Variants in MAST2 observed in about 807,000 individuals in gnomAD.
The protein encoded by MAST2 is microtubule-associated serine/threonine-protein kinase 2.
MAST2 carries 70 observed loss-of-function variants against 147.4 expected under a neutral mutation model. That is an observed-to-expected ratio of 0.47 (90% confidence interval 0.39 to 0.58). MAST2 has a LOEUF of 0.58. Ranked by LOEUF, MAST2 falls within the 20% of genes least tolerant of loss-of-function variation. MAST2 has a pLI of 0.00. For synonymous variants in MAST2, 869 were observed against 896.8 expected (o/e 0.97, Z 0.55); for missense variants, 2,080 against 2,302.3 (o/e 0.90, Z 1.98).
intron 5 of MAST2, among the ~76,000 whole-genome samples, chr1:45,985,553 G>A (rs1644580422): frequency 6.6e-6 from 1 of 152,176 alleles, no homozygotes; most frequent in Admixed American, 6.5e-5. Context: ...GGATTTTGTA[G>A]AATTTTATCT....
intron 3 of MAST2, among the ~76,000 whole-genome samples, chr1:45,866,746 A>G (rs1053170564): frequency 8.6e-6 from 1 of 116,508 alleles, no homozygotes; most frequent in African/African-American, 3.1e-5. Context: ...TATTTTGTCT[A>G]CTTTTTTTTT....
At chr1:45,977,811 A>AAAG (rs1304607488) in intron 5 of MAST2, among the ~76,000 whole-genome samples, 1 of 151,672 alleles carries the variant, frequency 6.6e-6, no homozygotes, top group African/African-American at 2.4e-5. Context: ...AAAAAAAAAA[A>AAAG]AAAAAGTTCT....
chr1:45,896,548 T>C (rs1435873591), intron 4 of MAST2, among the ~76,000 whole-genome samples: 1 of 152,106 alleles, frequency 6.6e-6, no homozygotes, highest in African/African-American at 2.4e-5. Flanking sequence ...CAATATTTCT[T>C]GCCCCAGGTG....
chr1:46,021,640 G>A lies in MAST2; in HGVS notation c.1291-310G>A, dbSNP rs772489513. Among the ~76,000 whole-genome samples, 42 of 152,352 alleles carry A rather than the reference G, an allele frequency of 2.8e-4. 1 individual carries two copies. In the Middle Eastern group the frequency reaches 0.034, roughly 123 times the overall value. ...TGGGCATCTGAATACACCAGACAGT[G>A]CCACCTGGCTGATGGAAAGCATGGG... is the stretch of plus-strand genomic sequence containing the variant. On this transcript the variant is annotated intron_variant, in intron 11 of 28. Transcript: ENST00000361297.
At chr1:45,902,574 T>C (rs1312712912) in intron 4 of MAST2, among the ~76,000 whole-genome samples, 2 of 152,094 alleles carry the variant, frequency 1.3e-5, no homozygotes, top group African/African-American at 2.4e-5. Flanking sequence ...TCTTTGTACA[T>C]CTGGTAGAAC....
chr1:45,840,815 A>G (rs1002735381), intron 3 of MAST2, among the ~76,000 whole-genome samples: 3 of 152,240 alleles, frequency 2.0e-5, no homozygotes, highest in African/African-American at 7.2e-5. Context: ...ATGTTCAAAT[A>G]AGGCAAACAC....
intron 4 of MAST2, among the ~76,000 whole-genome samples, chr1:45,921,064 C>T (rs554882108): frequency 2.6e-5 from 4 of 152,294 alleles, no homozygotes; most frequent in South Asian, 4.1e-4. Context: ...GGCGCAATCT[C>T]GGCTCACTGC....
rs748472699 is a variant in MAST2 at position 46,027,720 on chromosome 1, C to T, written c.1920-11C>T. The T allele has an allele frequency of 1.5e-5, 24 of 1,599,384 alleles. No individual in the cohort carries two copies. Among genetic ancestry groups the T allele is most frequent in the Middle Eastern group, 1.7e-4 (1 of 6,002 alleles). On this transcript the variant is annotated splice_polypyrimidine_tract_variant and intron_variant, in intron 16 of 28. Coordinates refer to ENST00000361297, the MANE Select transcript of MAST2 (RefSeq NM_015112.3). Reference sequence around the variant, plus strand: ...GAATAACTTCTTAATTTTATTTCTTCGTTCTTCCAGCCTCCTAATTACATC... The same window carrying T: ...GAATAACTTCTTAATTTTATTTCTTTGTTCTTCCAGCCTCCTAATTACATC...
chr1:46,014,135 T>C (rs890506177), intron 10 of MAST2, among the ~76,000 whole-genome samples: 8 of 151,968 alleles, frequency 5.3e-5, no homozygotes, highest in East Asian at 1.9e-4. Flanking sequence ...TTCGTTTTCA[T>C]TGATTTTTAA....
At chr1:45,939,085 A>G (rs1164145784) in intron 4 of MAST2, among the ~76,000 whole-genome samples, 3 of 150,926 alleles carry the variant, frequency 2.0e-5, no homozygotes, top group Non-Finnish European at 4.4e-5. Context: ...TGCTTTTGGT[A>G]TCTAAGAACT....
At chr1:46,030,085 A>C in intron 20 of MAST2, 44 bp from the exon 21 acceptor site, 1 of 1,608,334 alleles carries the variant, frequency 6.2e-7, no homozygotes, top group Non-Finnish European at 8.5e-7. Context: ...CAAGGAGGCC[A>C]CCAGCAGGGC....
chr1:45,975,945 C>T (rs1351295624), intron 5 of MAST2, among the ~76,000 whole-genome samples: 1 of 150,618 alleles, frequency 6.6e-6, no homozygotes, highest in Non-Finnish European at 1.5e-5. Flanking sequence ...CAAGATTTGC[C>T]AAAGGTGGTT....
At chr1:45,878,270 C>T (rs1420701065) in intron 3 of MAST2, among the ~76,000 whole-genome samples, 1 of 149,052 alleles carries the variant, frequency 6.7e-6, no homozygotes, top group South Asian at 2.1e-4. Flanking sequence ...CTTAGAAAAT[C>T]AATCACTGTA....
chr1:45,922,656 C>T (rs1653704971), intron 4 of MAST2, among the ~76,000 whole-genome samples: 1 of 152,274 alleles, frequency 6.6e-6, no homozygotes, highest in African/African-American at 2.4e-5. Context: ...CTGCGAGGGG[C>T]AGGGGCCTTC....
intron 10 of MAST2, among the ~76,000 whole-genome samples, chr1:46,011,862 C>A (rs759633840): frequency 5.9e-5 from 9 of 152,160 alleles, no homozygotes; most frequent in Non-Finnish European, 1.2e-4. Flanking sequence ...GAAAGGGTGA[C>A]TAAAGATGAT....
At chr1:45,893,323 C>T (rs962972867) in intron 4 of MAST2, among the ~76,000 whole-genome samples, 3 of 152,132 alleles carry the variant, frequency 2.0e-5, no homozygotes, top group African/African-American at 7.2e-5. Flanking sequence ...GTTTCAGCTT[C>T]TCAGGTAGCT....
intron 26 of MAST2, among the ~76,000 whole-genome samples, chr1:46,033,132 A>C (rs559805936): frequency 6.6e-6 from 1 of 152,070 alleles, no homozygotes; most frequent in Non-Finnish European, 1.5e-5. Context: ...AAATTAGCCA[A>C]GCGTGGTGGT....
intron 3 of MAST2, among the ~76,000 whole-genome samples, chr1:45,855,950 C>G (rs1645775412): frequency 2.0e-5 from 3 of 151,378 alleles, no homozygotes; most frequent in Admixed American, 2.0e-4. Context: ...CTCACCTTAT[C>G]ATTACAGTTT....
intron 16 of MAST2, among the ~76,000 whole-genome samples, chr1:46,026,114 T>C (rs1646399132): frequency 6.6e-6 from 1 of 152,198 alleles, no homozygotes; most frequent in Admixed American, 6.5e-5. Context: ...GCTAAACAAG[T>C]GTCCTGACGT....
Sources: allele counts gnomAD v4.1 joint callset (sites outside exome capture counted in the v4.1 genomes callset), GRCh38; gene constraint gnomAD v4.1.1; transcripts MANE v1.5; gene names NCBI Gene and HGNC (gene_info 2026-07-23, HGNC 2026-07-21).